SLC43A2: variants seen among roughly 807,000 people sequenced by gnomAD.
SLC43A2 encodes the protein solute carrier family 43 member 2, also known as large neutral amino acids transporter small subunit 4.
In SLC43A2, 38 loss-of-function variants were observed where a neutral mutation model predicts 63.2. The observed-to-expected ratio is 0.60, with a 90% CI of 0.46 to 0.79. The LOEUF (loss-of-function observed/expected upper bound fraction) is 0.79. SLC43A2 is among the 30% of genes least tolerant of loss of function. The pLI, the probability that SLC43A2 is intolerant of heterozygous loss-of-function variation, is 0.00. For synonymous variants in SLC43A2, 322 were observed against 331.0 expected (o/e 0.97, Z 0.30); for missense variants, 644 against 756.2 (o/e 0.85, Z 1.74).
chr17:1,579,456 G>C (rs886174754), intron 11 of SLC43A2, among the ~76,000 whole-genome samples: 18 of 148,122 alleles, frequency 1.2e-4, no homozygotes, highest in Admixed American at 4.0e-4. Flanking sequence ...GCTAGACTCT[G>C]TCTCAAAAAA....
chr17:1,621,730 C>T (rs1048937379), intron 2 of SLC43A2, among the ~76,000 whole-genome samples: 2 of 152,208 alleles, frequency 1.3e-5, no homozygotes, highest in South Asian at 4.1e-4. Flanking sequence ...ATGCTCAGAG[C>T]AGGTAAGTCA....
chr17:1,588,885 G>A lies in SLC43A2; in HGVS notation c.1078+1917C>T, dbSNP rs141608573. 3.2e-3 allele frequency among the ~76,000 whole-genome samples: 481 copies of A among 152,242 alleles called. 5 individuals are homozygous for A. The highest frequency in any genetic ancestry group is 0.011 in the African/African-American group (464 of 41,540). ...ACCAGCACCCGGGAGCCTCTGCCGC[G>A]GGTGGTCGCGGGGCCGTACGCGGAG... On this transcript the variant is annotated intron_variant, in intron 9 of 13. Coordinates refer to ENST00000301335, the MANE Select transcript of SLC43A2 (RefSeq NM_152346.3).
chr17:1,570,679 G>T lies in SLC43A2; in HGVS notation c.*4925C>A, dbSNP rs1235980272. ...TTTTTTGTATTTTTAGTAGAGACGG[G>T]GTTTCACCGTTTTAGCCGGGATGGT... On this transcript the variant is annotated 3_prime_UTR_variant, in exon 14 of 14. Transcript: ENST00000301335. The T allele has an allele frequency of 1.3e-5, 2 of 150,698 alleles. No homozygotes were observed. The highest frequency in any genetic ancestry group is 3.0e-5 in the Non-Finnish European group (2 of 67,708). 9.3% of individuals were successfully genotyped at this position (150,698 alleles called of 1,614,324 possible).
At chr17:1,604,542 C>G (rs1906400624) in intron 5 of SLC43A2, 4 of 642,234 alleles carry the variant, frequency 6.2e-6, no homozygotes, top group Non-Finnish European at 1.1e-5. Flanking sequence ...GGTCACCACA[C>G]TGATGCTGAA....
intron 2 of SLC43A2, among the ~76,000 whole-genome samples, chr17:1,626,785 A>G (rs1908702567): frequency 6.6e-6 from 1 of 152,190 alleles, no homozygotes; most frequent in Admixed American, 6.5e-5. Context: ...GGATTATGTG[A>G]GCTCAGCTAT....
rs1317409388 is a variant in SLC43A2, at chr17:1,605,448, C to G, written c.501+7747G>C. 1.3e-5 allele frequency among the ~76,000 whole-genome samples: 2 copies of G among 152,216 alleles called. No homozygotes were observed. The highest frequency in any genetic ancestry group is 2.9e-5 in the Non-Finnish European group (2 of 68,036). On this transcript the variant is annotated intron_variant, in intron 5 of 13. Transcript: ENST00000301335. This position sits in a 1 kb window ranked among gnomAD's most constrained non-coding sequence, Gnocchi z 4.9. ...GACGTACGTGCCTTTTGGCCCAGGGCAGGCCATGGCATTGCTGGCAGGCAG... is the reference window on the plus strand; with the variant it reads ...GACGTACGTGCCTTTTGGCCCAGGGGAGGCCATGGCATTGCTGGCAGGCAG...
At chr17:1,604,590 T>G in intron 5 of SLC43A2, 1 of 766,642 alleles carries the variant, frequency 1.3e-6, no homozygotes, top group Non-Finnish European at 2.1e-6. Flanking sequence ...CACGCTATTG[T>G]GCAGAACTCC....
At chr17:1,612,661 A>G (rs145932983) in intron 5 of SLC43A2, among the ~76,000 whole-genome samples, 1,783 of 152,354 alleles carry the variant, frequency 0.012, 16 homozygotes, top group Middle Eastern at 0.024. Context: ...CCGCAGCATC[A>G]AAGCCCAGAT....
intron 2 of SLC43A2, among the ~76,000 whole-genome samples, chr17:1,618,176 G>A (rs1907850921): frequency 6.6e-6 from 1 of 152,254 alleles, no homozygotes; most frequent in South Asian, 2.1e-4. Flanking sequence ...GCCAACGTGT[G>A]GCCAAGGAGC....
intron 5 of SLC43A2, among the ~76,000 whole-genome samples, chr17:1,601,010 T>C (rs1905956460): frequency 6.6e-6 from 1 of 152,092 alleles, no homozygotes; most frequent in African/African-American, 2.4e-5. Context: ...GCATATTTGC[T>C]GCCTCCATAG....
chr17:1,589,983 A>G (rs1305930555), intron 9 of SLC43A2, among the ~76,000 whole-genome samples: 1 of 152,126 alleles, frequency 6.6e-6, no homozygotes. Context: ...TTTCCTTTTG[A>G]TAAAGCTGGA....
rs1360875997 is a variant in SLC43A2, at chr17:1,577,358, G to T, written c.1425-638C>A. On this transcript the variant is annotated intron_variant, in intron 12 of 13. Transcript: ENST00000301335. This position sits in a 1 kb window ranked among gnomAD's most constrained non-coding sequence, Gnocchi z 4.9. ...GAGTGTGGAGGCTGGGCTTGGCTCT[G>T]CAGTGCCCTCGTCCAGAGAAGCATT... Among the ~76,000 whole-genome samples the T allele has an allele frequency of 6.6e-6, 1 of 152,198 alleles. No homozygotes were observed. Among genetic ancestry groups the T allele is most frequent in the African/African-American group, 2.4e-5 (1 of 41,450 alleles).
Position 1,605,316 on chromosome 17 carries a change from G to T in SLC43A2, c.501+7879C>A. ...AGAGGGGAAAACAGCAGCTGCAGGCGGCCCCTCCCCTGGCATTCTGGCCAT... is the reference window on the plus strand; with the variant it reads ...AGAGGGGAAAACAGCAGCTGCAGGCTGCCCCTCCCCTGGCATTCTGGCCAT... On this transcript the variant is annotated intron_variant, in intron 5 of 13. Transcript: ENST00000301335. The surrounding 1 kb of genome is among the most constrained non-coding windows in gnomAD (Gnocchi z 4.9). 1 of 845,930 alleles carries T rather than the reference G, an allele frequency of 1.2e-6. No homozygotes were observed. Among genetic ancestry groups the T allele is most frequent in the African/African-American group, 1.8e-5 (1 of 54,774 alleles). The allele number at this position is 845,930 out of a possible 1,614,324, so 52.4% of individuals were successfully genotyped here.
At position 1,580,207 on chromosome 17, in the gene SLC43A2, C is replaced by T. The variant is rs1367993011; in HGVS notation, c.1351-1884G>A. On this transcript the variant is annotated intron_variant, in intron 11 of 13. Coordinates refer to ENST00000301335, the MANE Select transcript of SLC43A2 (RefSeq NM_152346.3). ...TGCTGGGATTACAGGCGTGAGCCAC[C>T]GTGCCCGGCCAGGCTTTTCACATCT... is the stretch of plus-strand genomic sequence containing the variant. Among the ~76,000 whole-genome samples the T allele has an allele frequency of 5.9e-5, 9 of 152,230 alleles. No homozygotes were observed. The East Asian group carries it at 1.2e-3, about 20-fold the overall frequency.
chr17:1,575,655 G>T lies in SLC43A2; in HGVS notation c.1659C>A (p.Asp553Glu). ...ERQLQQRQED[D>E]KLFLKINGSS... is the part of the protein sequence containing the mutation. ...AGCCGTTGATTTTGAGGAAGAGTTT[G>T]TCATCCTCCTGCCTCTGCTGCAGCT... Residue 553 changes from aspartate to glutamate, a missense_variant, in exon 14 of 14, where the codon GAC (aspartate) becomes GAA (glutamate). By Grantham distance (45) the Asp-to-Glu change is conservative (BLOSUM62 2). This residue lies in a region of SLC43A2 where 105 missense variants were observed against 101.7 expected (regional missense o/e 1.03). Transcript: ENST00000301335. 1 of 1,614,142 alleles carries T rather than the reference G, an allele frequency of 6.2e-7. No homozygotes were observed. The highest frequency in any genetic ancestry group is 2.2e-5 in the East Asian group (1 of 44,888).
In SLC43A2 at chr17:1,583,573, A is replaced by G. The variant is rs2076053935; in HGVS notation, c.1218-237T>C. 2 of 572,362 alleles carry G rather than the reference A, an allele frequency of 3.5e-6. No individual in the cohort carries two copies. Among genetic ancestry groups the G allele is most frequent in the East Asian group, 3.0e-5 (1 of 33,148 alleles). The allele number at this position is 572,362 out of a possible 1,614,324, so 35.5% of individuals were successfully genotyped here. ...GGGTCTCGGGTACAAGAAGATGGCC[A>G]TCCATATGCTGCAGTGCTCTGTGAA... is the stretch of plus-strand genomic sequence containing the variant. On this transcript the variant is annotated intron_variant, in intron 10 of 13. Coordinates refer to ENST00000301335, the MANE Select transcript of SLC43A2 (RefSeq NM_152346.3). This position sits in a 1 kb window ranked among gnomAD's most constrained non-coding sequence, Gnocchi z 5.5.
At position 1,606,920 on chromosome 17, in the gene SLC43A2, T is replaced by C. The variant is rs1906674282; in HGVS notation, c.501+6275A>G. 6.6e-6 allele frequency among the ~76,000 whole-genome samples: 1 copy of C among 152,162 alleles called. No individual in the cohort carries two copies. The highest frequency in any genetic ancestry group is 6.5e-5 in the Admixed American group (1 of 15,276). ...TCGGAGCCTCCACTTGGGAGGGAAA[T>C]ACCACCATGGGTGCCGACCTCTTGG... is the stretch of plus-strand genomic sequence containing the variant. On this transcript the variant is annotated intron_variant, in intron 5 of 13. Transcript: ENST00000301335. The surrounding 1 kb of genome is among the most constrained non-coding windows in gnomAD (Gnocchi z 4.7).
At chr17:1,617,697 C>T (rs936025507) in intron 2 of SLC43A2, among the ~76,000 whole-genome samples, 1 of 152,160 alleles carries the variant, frequency 6.6e-6, no homozygotes, top group Non-Finnish European at 1.5e-5. Flanking sequence ...AGCCGATATG[C>T]ACCTTTCTTA....
intron 2 of SLC43A2, 35 bp downstream of exon 2, chr17:1,627,680 C>CCCCG: frequency 7.2e-7 from 1 of 1,382,396 alleles, no homozygotes; most frequent in Non-Finnish European, 9.5e-7. Context: ...GCCCCAGCTC[C>CCCCG]AGGAGCCCCC....
Sources: gnomAD v4.1 joint callset for allele counts (sites outside exome capture counted in the v4.1 genomes callset) on GRCh38, gnomAD v4.1.1 for gene constraint, gnomAD v4.1.1 regional missense constraint, Gnocchi (gnomAD v3.1) non-coding constraint, MANE v1.5 for transcripts, NCBI Gene and HGNC (gene_info 2026-07-23, HGNC 2026-07-21) for gene names.